CACNA1C: variants seen among roughly 807,000 people sequenced by gnomAD.
CACNA1C encodes the protein calcium voltage-gated channel subunit alpha1 C.
Under a neutral mutation model 229.0 loss-of-function variants are expected in CACNA1C, and 30 were observed. The observed-to-expected ratio is 0.13, with a 90% CI of 0.10 to 0.18. The LOEUF is 0.18. Ranked by LOEUF, CACNA1C falls within the 10% of genes least tolerant of loss-of-function variation. The pLI, the probability that CACNA1C is intolerant of heterozygous loss-of-function variation, is 1.00. For missense variants in CACNA1C, 1,658 were observed against 2,845.0 expected, an observed-to-expected ratio of 0.58 and a Z score of 9.49; for synonymous variants, 1,114 against 1,132.5, an observed-to-expected ratio of 0.98 and a Z score of 0.33.
At chr12:2,674,358 G>A (rs2096699707) in intron 38 of CACNA1C, 183 bp from the exon 39 acceptor site, 1 of 819,880 alleles carries the variant, frequency 1.2e-6, no homozygotes, top group Non-Finnish European at 1.9e-6. Flanking sequence ...GTGGACAGAG[G>A]AAGGGGAAGA....
At chr12:2,337,289 T>A (rs1785261741) in intron 3 of CACNA1C, among the ~76,000 whole-genome samples, 1 of 152,218 alleles carries the variant, frequency 6.6e-6, no homozygotes, top group Non-Finnish European at 1.5e-5. Context: ...AAACACAGAC[T>A]AGCCAGGACC....
At chr12:2,234,516 T>C (rs1210773776) in intron 3 of CACNA1C, among the ~76,000 whole-genome samples, 2 of 152,174 alleles carry the variant, frequency 1.3e-5, no homozygotes, top group Non-Finnish European at 1.5e-5. Context: ...CTGCCAGAGA[T>C]GGGCTCCTGT....
chr12:2,027,903 C>T (rs1280816193), intron 1 of CACNA1C, among the ~76,000 whole-genome samples: 2 of 152,334 alleles, frequency 1.3e-5, no homozygotes, highest in East Asian at 3.9e-4. Flanking sequence ...AATTGAGCAG[C>T]TTGTCTCCCA....
At chr12:2,139,638 C>G (rs78102944) in intron 3 of CACNA1C, among the ~76,000 whole-genome samples, 1 of 151,156 alleles carries the variant, frequency 6.6e-6, no homozygotes, top group African/African-American at 2.4e-5. Flanking sequence ...CTTCTGTACC[C>G]GTTTACAGTA....
chr12:2,176,580 G>A (rs536532993), intron 3 of CACNA1C, among the ~76,000 whole-genome samples: 7 of 143,860 alleles, frequency 4.9e-5, no homozygotes, highest in Non-Finnish European at 9.3e-5. Context: ...GTTGGAGCTG[G>A]GGGGCAGCAA....
chr12:2,451,010 T>TTTG (rs887277061), intron 4 of CACNA1C, among the ~76,000 whole-genome samples: 9 of 152,034 alleles, frequency 5.9e-5, no homozygotes, highest in Admixed American at 3.3e-4. Context: ...CGTTAGGGTT[T>TTTG]TTGTTGTTGT....
At chr12:2,444,309 G>T (rs1341345639) in intron 3 of CACNA1C, among the ~76,000 whole-genome samples, 1 of 152,166 alleles carries the variant, frequency 6.6e-6, no homozygotes, top group Non-Finnish European at 1.5e-5. Flanking sequence ...AGGTGAGGAG[G>T]TTAATTAGAT....
At chr12:2,218,580 C>CT (rs2060590739) in intron 3 of CACNA1C, among the ~76,000 whole-genome samples, 1 of 152,168 alleles carries the variant, frequency 6.6e-6, no homozygotes, top group Admixed American at 6.5e-5. Context: ...CTCAGCGCAT[C>CT]TTTCAGCTGC....
At chr12:2,554,755 G>A (rs886723482) in intron 10 of CACNA1C, among the ~76,000 whole-genome samples, 1 of 152,170 alleles carries the variant, frequency 6.6e-6, no homozygotes, top group Non-Finnish European at 1.5e-5. Context: ...AAGAACCAAG[G>A]CGTTCAGACG....
At chr12:2,039,118 CT>C (rs1031269108) in intron 1 of CACNA1C, among the ~76,000 whole-genome samples, 3 of 152,150 alleles carry the variant, frequency 2.0e-5, no homozygotes, top group African/African-American at 4.8e-5. Context: ...TAACATGGGC[CT>C]TTTAATAGAC....
intron 3 of CACNA1C, among the ~76,000 whole-genome samples, chr12:2,281,562 C>T (rs967202146): frequency 6.6e-6 from 1 of 152,172 alleles, no homozygotes; most frequent in African/African-American, 2.4e-5. Context: ...ATAGAATTCT[C>T]AGGTGATAGT....
chr12:2,365,278 G>A (rs1448526671), intron 3 of CACNA1C, among the ~76,000 whole-genome samples: 1 of 152,178 alleles, frequency 6.6e-6, no homozygotes, highest in Non-Finnish European at 1.5e-5. Context: ...AAACAATAGT[G>A]TGTGTGCTTT....
At chr12:2,495,432 AGTGGAGGGTGG>A (rs1485765865) in intron 7 of CACNA1C, among the ~76,000 whole-genome samples, 1 of 152,202 alleles carries the variant, frequency 6.6e-6, no homozygotes, top group Non-Finnish European at 1.5e-5. Flanking sequence ...GGCAGGTGGC[AGTGGAGGGTGG>A]GTGGAGGGTA....
chr12:2,114,767 C>G (rs2083168292), intron 1 of CACNA1C, among the ~76,000 whole-genome samples: 1 of 152,244 alleles, frequency 6.6e-6, no homozygotes, highest in South Asian at 2.1e-4. Flanking sequence ...CTCACTCATT[C>G]ATTTATGCTT....
chr12:2,682,096 T>TC, intron 42 of CACNA1C: 1 of 1,165,904 alleles, frequency 8.6e-7, no homozygotes, highest in Non-Finnish European at 1.3e-6. Flanking sequence ...GGTGCCAGTG[T>TC]CAGAATCAAG....
chr12:2,085,475 G>C (rs1009999927), intron 1 of CACNA1C, among the ~76,000 whole-genome samples: 1 of 151,948 alleles, frequency 6.6e-6, no homozygotes, highest in Non-Finnish European at 1.5e-5. Context: ...TGATCAACTT[G>C]GTGCCACCAA....
At position 2,691,171 on chromosome 12, in the gene CACNA1C, A is replaced by C; in HGVS notation, c.6389A>C (p.Asp2130Ala). 2 of 1,596,976 alleles carry C rather than the reference A, an allele frequency of 1.3e-6. No individual in the cohort carries two copies. The highest frequency in any genetic ancestry group is 1.7e-6 in the Non-Finnish European group (2 of 1,169,164). Residue 2130 changes from aspartate to alanine, a missense_variant, in exon 47 of 47, where the codon GAC becomes GCC. Around this residue, in one of 20 missense-constraint regions of CACNA1C, gnomAD observed 590 missense variants for 700.8 expected, o/e 0.84. Coordinates refer to ENST00000399655, the MANE Select transcript of CACNA1C (RefSeq NM_000719.7). ...CGACCGAGTGAGGAGGAGCTCCAGG[A>C]CAGCAGGGTCTACGTCAGCAGCCTG... ...RGRPSEEELQ[D>A]SRVYVSSL
chr12:2,422,601 T>A (rs1373149616), intron 3 of CACNA1C, among the ~76,000 whole-genome samples: 1 of 152,184 alleles, frequency 6.6e-6, no homozygotes, highest in African/African-American at 2.4e-5. Context: ...TAATCACCTG[T>A]GTCCCCCACA....
intron 1 of CACNA1C, among the ~76,000 whole-genome samples, chr12:2,073,097 G>C (rs1238438138): frequency 2.0e-5 from 3 of 152,194 alleles, no homozygotes; most frequent in Non-Finnish European, 4.4e-5. Flanking sequence ...ACTCGTTTGA[G>C]AAGTGAGTGA....
Sources: gnomAD v4.1 joint callset for allele counts (sites outside exome capture counted in the v4.1 genomes callset) on GRCh38, gnomAD v4.1.1 for gene constraint, gnomAD v4.1.1 regional missense constraint, MANE v1.5 for transcripts, NCBI Gene and HGNC (gene_info 2026-07-23, HGNC 2026-07-21) for gene names.